MAML3: variants seen among roughly 807,000 people sequenced by gnomAD.
The protein encoded by MAML3 is mastermind-like protein 3.
MAML3 carries 27 observed loss-of-function variants against 101.9 expected under a neutral mutation model. That is an observed-to-expected ratio of 0.27 (90% CI 0.20 to 0.37). The LOEUF (loss-of-function observed/expected upper bound fraction) is 0.37, where lower values mean the gene tolerates loss of function less well. MAML3 is among the 10% of genes least tolerant of loss of function. MAML3 has a pLI of 1.00. For synonymous variants in MAML3, 501 were observed against 555.9 expected, an observed-to-expected ratio of 0.90 and a Z score of 1.39; for missense variants, 1,316 against 1,444.9, an observed-to-expected ratio of 0.91 and a Z score of 1.45.
intron 2 of MAML3, among the ~76,000 whole-genome samples, chr4:139,788,141 A>G (rs1360432713): frequency 6.6e-6 from 1 of 152,190 alleles, no homozygotes; most frequent in African/African-American, 2.4e-5. Context: ...CTGAGAATAA[A>G]TGATCCTAAA....
chr4:139,718,929 C>CT lies in MAML3; in HGVS notation c.*393dup. The CT allele has an allele frequency of 5.5e-6, 1 of 181,688 alleles. No individual in the cohort carries two copies. The highest frequency in any genetic ancestry group is 1.2e-5 in the Non-Finnish European group (1 of 86,294). 11.3% of individuals were successfully genotyped at this position (181,688 alleles called of 1,614,324 possible). A position where few individuals can be genotyped will look rare whatever the true frequency, so the allele number is the denominator to read the frequency against. ...TCTTTTGTGTCTCCAAAGCTGCTGT[C>CT]TCCCGACCTGGGGCAGGAGGGGCTG... On this transcript the variant is annotated 3_prime_UTR_variant, in exon 5 of 5. Transcript: ENST00000509479.
rs377014171 is a variant in MAML3, at chr4:139,919,490, A to G, written c.469-28523T>C. The stretch of plus-strand genomic sequence containing the variant: ...ATGTAGAAAGTTTGGATGGAACTTA[A>G]CTTTCCTTCTTTCTTTCTTAGAAAG... On this transcript the variant is annotated intron_variant, in intron 1 of 4. Transcript: ENST00000509479. Among the ~76,000 whole-genome samples, 413 of 152,358 alleles carry G rather than the reference A, an allele frequency of 2.7e-3. 2 individuals carry two copies. The highest frequency in any genetic ancestry group is 9.4e-3 in the African/African-American group (390 of 41,590).
chr4:139,736,653 AG>A (rs1473022530), intron 2 of MAML3, among the ~76,000 whole-genome samples: 4 of 152,210 alleles, frequency 2.6e-5, no homozygotes, highest in African/African-American at 9.6e-5. Context: ...ACTAAAAATT[AG>A]GGGTTCTCAA....
At chr4:139,749,441 T>C (rs1013340630) in intron 2 of MAML3, among the ~76,000 whole-genome samples, 4 of 152,196 alleles carry the variant, frequency 2.6e-5, no homozygotes, top group Admixed American at 2.6e-4. Context: ...CTGATTGTTT[T>C]CTCAGGCAAA....
chr4:139,878,984 T>C (rs1422456114), intron 2 of MAML3, among the ~76,000 whole-genome samples: 2 of 152,066 alleles, frequency 1.3e-5, no homozygotes, highest in African/African-American at 4.8e-5. Context: ...ACAAACCCTC[T>C]CTTGGAGGAA....
At position 140,119,751 on chromosome 4, in the gene MAML3, A is replaced by G. The variant is rs771193140; in HGVS notation, c.468+33109T>C. Among the ~76,000 whole-genome samples, 166 of 152,120 alleles carry G rather than the reference A, an allele frequency of 1.1e-3. 1 individual carries two copies. Among genetic ancestry groups the G allele is most frequent in the Middle Eastern group, 3.4e-3 (1 of 294 alleles). ...ATCCTCTCACCTCAGCCTCCCTGCT[A>G]GCTGGGACCACAGGCACAAACAAGA... On this transcript the variant is annotated intron_variant, in intron 1 of 4. Coordinates refer to ENST00000509479, the MANE Select transcript of MAML3 (RefSeq NM_018717.5).
chr4:140,130,821 G>A (rs565031044), intron 1 of MAML3, among the ~76,000 whole-genome samples: 2 of 152,232 alleles, frequency 1.3e-5, no homozygotes, highest in East Asian at 3.9e-4. Context: ...CATTTATTGA[G>A]TTCCTCCTAT....
At chr4:140,037,111 C>T (rs890377202) in intron 1 of MAML3, among the ~76,000 whole-genome samples, 3 of 151,944 alleles carry the variant, frequency 2.0e-5, no homozygotes, top group Admixed American at 6.6e-5. Flanking sequence ...CACTGACGAT[C>T]ATATAACACA....
intron 1 of MAML3, among the ~76,000 whole-genome samples, chr4:139,914,736 G>A (rs1317867741): frequency 6.6e-6 from 1 of 152,158 alleles, no homozygotes; most frequent in Non-Finnish European, 1.5e-5. Flanking sequence ...AATTAAAAAG[G>A]AAGATGAAAC....
At chr4:140,092,228 C>A (rs75023353) in intron 1 of MAML3, among the ~76,000 whole-genome samples, 1 of 151,716 alleles carries the variant, frequency 6.6e-6, no homozygotes, top group African/African-American at 2.4e-5. Flanking sequence ...CGAAACCTTG[C>A]GACTGAGCAT....
At chr4:140,074,211 A>AAGAGAGAGAGAGAGAGAAAGAAAG (rs1560885520) in intron 1 of MAML3, among the ~76,000 whole-genome samples, 1 of 133,450 alleles carries the variant, frequency 7.5e-6, no homozygotes, top group Non-Finnish European at 1.7e-5. Context: ...GAAAGAAAGA[A>AAGAGAGAGAGAGAGAGAAAGAAAG]AGAAAGAAAG....
At chr4:139,900,361 C>CTT (rs1732693357) in intron 1 of MAML3, among the ~76,000 whole-genome samples, 1 of 152,084 alleles carries the variant, frequency 6.6e-6, no homozygotes, top group South Asian at 2.1e-4. Context: ...TTTAATTATG[C>CTT]TTAAACATGT....
At chr4:140,115,356 A>T (rs1286599039) in intron 1 of MAML3, among the ~76,000 whole-genome samples, 1 of 152,216 alleles carries the variant, frequency 6.6e-6, no homozygotes, top group African/African-American at 2.4e-5. Context: ...TTCACTTCTA[A>T]AATAAAACTA....
intron 1 of MAML3, among the ~76,000 whole-genome samples, chr4:140,069,355 AGAAGG>A (rs1727592163): frequency 2.0e-5 from 1 of 49,534 alleles, no homozygotes; most frequent in African/African-American, 4.2e-5. Flanking sequence ...AAGGAGAAGG[AGAAGG>A]AGAAGAAGAA....
At chr4:140,047,879 C>T (rs1560876922) in intron 1 of MAML3, among the ~76,000 whole-genome samples, 1 of 151,998 alleles carries the variant, frequency 6.6e-6, no homozygotes, top group African/African-American at 2.4e-5. Flanking sequence ...TGTAAGTCAG[C>T]GCTGGCGGCA....
chr4:139,788,725 C>T (rs374655266), intron 2 of MAML3, among the ~76,000 whole-genome samples: 3 of 152,180 alleles, frequency 2.0e-5, no homozygotes, highest in Admixed American at 6.5e-5. Flanking sequence ...TAGAAATTTC[C>T]GTCAAAGAGG....
rs1729206543 is a variant in MAML3, at chr4:140,153,130, G to GGCCGCCGAACC, written c.187_197dup (p.Pro68ArgfsTer48). The GGCCGCCGAACC allele has an allele frequency of 6.5e-7, 1 of 1,550,252 alleles. No individual in the cohort carries two copies. Among genetic ancestry groups the GGCCGCCGAACC allele is most frequent in the Non-Finnish European group, 8.7e-7 (1 of 1,146,758 alleles). Reference sequence around the variant, plus strand: ...CCACCACGGTGCTGTGCTTGGGAACGGCCGCCGAACCGCCGCCGGGGCCCC... The same window carrying GGCCGCCGAACC: ...CCACCACGGTGCTGTGCTTGGGAACGGCCGCCGAACCGCCGCCGAACCGCCGCCGGGGCCCC... On this transcript the variant is annotated frameshift_variant, in exon 1 of 5. Coordinates refer to ENST00000509479, the MANE Select transcript of MAML3 (RefSeq NM_018717.5). LOFTEE classifies it high-confidence loss of function.
intron 1 of MAML3, among the ~76,000 whole-genome samples, chr4:139,916,456 T>C (rs75219232): frequency 0.047 from 7,090 of 152,284 alleles, 267 homozygotes; most frequent in African/African-American, 0.11. Context: ...GCAGGCCACC[T>C]GTGTGGGGTC....
At chr4:139,829,147 G>A (rs1212293744) in intron 2 of MAML3, among the ~76,000 whole-genome samples, 4 of 149,852 alleles carry the variant, frequency 2.7e-5, no homozygotes, top group Admixed American at 2.0e-4. Flanking sequence ...AGGGAGGGAG[G>A]AAGGAAAGAA....
Sources: allele counts gnomAD v4.1 joint callset (sites outside exome capture counted in the v4.1 genomes callset), GRCh38; gene constraint gnomAD v4.1.1; transcripts MANE v1.5; gene names NCBI Gene and HGNC (gene_info 2026-07-23, HGNC 2026-07-21).